PSD4: variants seen among roughly 807,000 people sequenced by gnomAD.
The protein encoded by PSD4 is pleckstrin and Sec7 domain containing 4.
PSD4 carries 59 observed loss-of-function variants against 112.5 expected under a neutral mutation model. The ratio of observed to expected loss-of-function variants is 0.52; its 90% CI spans 0.43 to 0.65. The LOEUF is 0.65. Ranked by LOEUF, PSD4 falls within the 30% of genes least tolerant of loss-of-function variation. The pLI is 0.00. For missense variants in PSD4, 1,267 were observed against 1,352.6 expected, an observed-to-expected ratio of 0.94 and a Z score of 0.99; for synonymous variants, 533 against 540.0, an observed-to-expected ratio of 0.99 and a Z score of 0.18.
At chr2:113,194,218 T>C (rs756911435) in intron 10 of PSD4, among the ~76,000 whole-genome samples, 1 of 152,216 alleles carries the variant, frequency 6.6e-6, no homozygotes, top group Non-Finnish European at 1.5e-5. Flanking sequence ...AATATTTTCT[T>C]AAGTTTTCAA....
In PSD4 at chr2:113,204,210, A is replaced by G. The variant is rs1688833330; in HGVS notation, c.*2795A>G. 1 of 152,336 alleles carries G rather than the reference A, an allele frequency of 6.6e-6. No individual in the cohort carries two copies. The highest frequency in any genetic ancestry group is 2.4e-5 in the African/African-American group (1 of 41,476). 9.4% of individuals were successfully genotyped at this position (152,336 alleles called of 1,614,324 possible). On this transcript the variant is annotated 3_prime_UTR_variant, in exon 17 of 17. Transcript: ENST00000245796. ...TGTGCCCCTGTGCCATCACCGAACC[A>G]GGACCTTCAACTTCGTAAAACCCAC...
Position 113,199,211 on chromosome 2 carries a change from G to C in PSD4, c.2898G>C (p.Glu966Asp). The C allele has an allele frequency of 1.3e-6, 2 of 1,508,452 alleles. No individual in the cohort carries two copies. Among genetic ancestry groups the C allele is most frequent in the Non-Finnish European group, 1.8e-6 (2 of 1,132,862 alleles). The allele number at this position is 1,508,452 out of a possible 1,614,324, so 93.4% of individuals were successfully genotyped here. ...RELEEHRLRKEYLEYEKTRYE... is the reference protein window; with the variant it reads ...RELEEHRLRKDYLEYEKTRYE... ...TGGAGGAGCACCGCCTGCGGAAGGA[G>C]TACCTGGAGTACGAGGTGAGCGGCC... Residue 966 changes from glutamate to aspartate, a missense_variant, in exon 16 of 17, where the codon GAG (glutamate) becomes GAC (aspartate). Glu to Asp is a conservative substitution (Grantham distance 45). Transcript: ENST00000245796.
chr2:113,184,934 CT>C, intron 2 of PSD4, 22 bp from the exon 3 acceptor site: 1 of 1,613,572 alleles, frequency 6.2e-7, no homozygotes, highest in Non-Finnish European at 8.5e-7. Context: ...CTTCTCTCCT[CT>C]GTCTCTCTCT....
chr2:113,193,951 ATG>A lies in PSD4; in HGVS notation c.2181+6_2181+7del. 1 of 1,613,848 alleles carries A rather than the reference ATG, an allele frequency of 6.2e-7. No homozygotes were observed. Among genetic ancestry groups the A allele is most frequent in the Non-Finnish European group, 8.5e-7 (1 of 1,179,812 alleles). On this transcript the variant is annotated splice_donor_5th_base_variant and intron_variant, in intron 10 of 16. Coordinates refer to ENST00000245796, the MANE Select transcript of PSD4 (RefSeq NM_012455.3). ...ACTTCCCCAAGGAGCTGCTGAAGGT[ATG>A]TGCCACGGGGTCTTCTTATGAGCCT...
intron 1 of PSD4, among the ~76,000 whole-genome samples, chr2:113,174,948 C>A (rs765816710): frequency 1.3e-5 from 2 of 152,134 alleles, no homozygotes; most frequent in Non-Finnish European, 2.9e-5. Context: ...GACCTTGGAC[C>A]AGCTTTAAAA....
intron 1 of PSD4, among the ~76,000 whole-genome samples, chr2:113,178,619 TC>T (rs1446022753): frequency 6.6e-6 from 1 of 151,956 alleles, no homozygotes; most frequent in African/African-American, 2.4e-5. Context: ...TATGAAAAAT[TC>T]AGGATGTCCT....
intron 1 of PSD4, chr2:113,175,191 C>G (rs1042323584): frequency 2.6e-5 from 4 of 152,628 alleles, no homozygotes; most frequent in African/African-American, 9.7e-5. Context: ...TTGTCCTCCC[C>G]AGGCAGCAGC....
intron 5 of PSD4, among the ~76,000 whole-genome samples, chr2:113,189,674 G>C (rs1188498263): frequency 1.3e-5 from 2 of 152,010 alleles, no homozygotes; most frequent in Admixed American, 1.3e-4. Context: ...CCATGCCAAC[G>C]TCTATTTTTT....
chr2:113,177,276 A>G (rs1688004413), intron 1 of PSD4, among the ~76,000 whole-genome samples: 1 of 152,186 alleles, frequency 6.6e-6, no homozygotes. Context: ...TCTCTTCTCC[A>G]AGCCTCGGTC....
Position 113,196,226 on chromosome 2 carries a change from C to T in PSD4, c.2305C>T (p.Leu769=). The T allele has an allele frequency of 6.2e-7, 1 of 1,614,162 alleles. No homozygotes were observed. Among genetic ancestry groups the T allele is most frequent in the Non-Finnish European group, 8.5e-7 (1 of 1,179,976 alleles). Reference sequence around the variant, plus strand: ...CAAGATGAGCAAGCCCTTCCTTCAGCTGGCTCAGGATCCCACAGTGCCCAC... The same window carrying T: ...CAAGATGAGCAAGCCCTTCCTTCAGTTGGCTCAGGATCCCACAGTGCCCAC... The part of the protein sequence containing the change: ...AGKMSKPFLQ[L]AQDPTVPTYK... Residue 769 remains leucine (L), a synonymous_variant, in exon 12 of 17, where the codon CTG becomes TTG. Coordinates refer to ENST00000245796, the MANE Select transcript of PSD4 (RefSeq NM_012455.3).
intron 11 of PSD4, 36 bp from the exon 12 acceptor site, chr2:113,196,111 T>G (rs1688601924): frequency 6.3e-7 from 1 of 1,591,380 alleles, no homozygotes; most frequent in African/African-American, 1.3e-5. Flanking sequence ...TCTCTTTGCA[T>G]AGTCAGCACT....
At position 113,203,528 on chromosome 2, in the gene PSD4, T is replaced by C. The variant is rs936310482; in HGVS notation, c.*2113T>C. The C allele has an allele frequency of 1.3e-5, 2 of 151,846 alleles. No individual in the cohort carries two copies. The highest frequency in any genetic ancestry group is 1.5e-5 in the Non-Finnish European group (1 of 68,274). 9.4% of individuals were successfully genotyped at this position (151,846 alleles called of 1,614,324 possible). ...TTACAAACTAAGTGGAGTAGGTTAT[T>C]TGACCTCACTGAACATGCATCCTTT... is the stretch of plus-strand genomic sequence containing the variant. On this transcript the variant is annotated 3_prime_UTR_variant, in exon 17 of 17. Transcript: ENST00000245796.
intron 1 of PSD4, among the ~76,000 whole-genome samples, chr2:113,178,144 G>A (rs13400502): frequency 0.077 from 11,776 of 152,114 alleles, 662 homozygotes; most frequent in African/African-American, 0.15. Context: ...CTTGAACCTG[G>A]GAGTCAGAAG....
intron 12 of PSD4, 173 bp downstream of exon 12, chr2:113,196,480 T>G: frequency 1.2e-6 from 1 of 836,174 alleles, no homozygotes; most frequent in Non-Finnish European, 1.8e-6. Context: ...GGATGCTGTG[T>G]GAGGCACTAG....
chr2:113,201,072 T>C (rs1489134697), intron 16 of PSD4, 86 bp from the exon 17 acceptor site: 7 of 1,510,212 alleles, frequency 4.6e-6, no homozygotes, highest in Non-Finnish European at 4.5e-6. Flanking sequence ...TAGCTTCATG[T>C]ACCTGTGAGC....
chr2:113,202,726 CG>C lies in PSD4; in HGVS notation c.*1313del, dbSNP rs1688806255. The C allele has an allele frequency of 6.6e-6, 1 of 152,654 alleles. No individual in the cohort carries two copies. The highest frequency in any genetic ancestry group is 2.4e-5 in the African/African-American group (1 of 41,486). The allele number at this position is 152,654 out of a possible 1,614,324, so 9.5% of individuals were successfully genotyped here. A position where few individuals can be genotyped will look rare whatever the true frequency, so the allele number is the denominator to read the frequency against. On this transcript the variant is annotated 3_prime_UTR_variant, in exon 17 of 17. Transcript: ENST00000245796. ...GCCTCTGCTACCCGCTGCTGCCTGCCGGCTGACACACTGCCTCCCCAGCCTT... is the reference window on the plus strand; with the variant it reads ...GCCTCTGCTACCCGCTGCTGCCTGCCGCTGACACACTGCCTCCCCAGCCTT...
chr2:113,185,810 G>A (rs142419686), intron 4 of PSD4, 67 bp from the exon 5 acceptor site: 229 of 1,560,982 alleles, frequency 1.5e-4, no homozygotes, highest in Non-Finnish European at 1.9e-4. Flanking sequence ...GGAGCCTCTG[G>A]AGGTGGTGCC....
At chr2:113,196,842 G>A (rs1409794691) in intron 12 of PSD4, among the ~76,000 whole-genome samples, 2 of 152,206 alleles carry the variant, frequency 1.3e-5, no homozygotes, top group East Asian at 3.8e-4. Context: ...AGGTACACTT[G>A]AGGCAAAATT....
Position 113,192,604 on chromosome 2 carries a change from G to A in PSD4, c.1838+15G>A. On this transcript the variant is annotated intron_variant, in intron 6 of 16. Transcript: ENST00000245796. ...CTGCAGAAGAAGTAAGGGGCTTTGAGCCTGGGGAAGGCTGGAGGCTGAGGC... is the reference window on the plus strand; with the variant it reads ...CTGCAGAAGAAGTAAGGGGCTTTGAACCTGGGGAAGGCTGGAGGCTGAGGC... The A allele has an allele frequency of 1.9e-6, 3 of 1,612,702 alleles. No individual in the cohort carries two copies. The highest frequency in any genetic ancestry group is 2.5e-6 in the Non-Finnish European group (3 of 1,179,004).
Sources: gnomAD v4.1 joint callset for allele counts (sites outside exome capture counted in the v4.1 genomes callset) on GRCh38, gnomAD v4.1.1 for gene constraint, MANE v1.5 for transcripts, NCBI Gene and HGNC (gene_info 2026-07-23, HGNC 2026-07-21) for gene names.